Variants in CNTNAP2 observed in about 807,000 individuals in gnomAD.
The protein encoded by CNTNAP2 is contactin-associated protein-like 2.
In CNTNAP2, 98 loss-of-function variants were observed where a neutral mutation model predicts 155.2. The ratio of observed to expected loss-of-function variants is 0.63; its 90% confidence interval spans 0.54 to 0.75. The LOEUF is 0.75. Ranked by LOEUF, CNTNAP2 falls within the 30% of genes least tolerant of loss-of-function variation. The pLI, the probability that CNTNAP2 is intolerant of heterozygous loss-of-function variation, is 0.00. For synonymous variants in CNTNAP2, 651 were observed against 631.2 expected (o/e 1.03, Z -0.47); for missense variants, 1,727 against 1,688.1 (o/e 1.02, Z -0.40).
intron 12 of CNTNAP2, among the ~76,000 whole-genome samples, chr7:147,630,316 T>TAAA (rs71183024): frequency 7.5e-4 from 55 of 72,974 alleles, no homozygotes; most frequent in East Asian, 3.3e-3. Flanking sequence ...GAAACAGTAG[T>TAAA]AAAAAAAAAA....
At position 148,019,164 on chromosome 7, in the gene CNTNAP2, T is replaced by C. The variant is rs144502789; in HGVS notation, c.2383+41175T>C. Among the ~76,000 whole-genome samples, 1,095 of 152,308 alleles carry C rather than the reference T, an allele frequency of 7.2e-3. 8 individuals are homozygous for C. The highest frequency in any genetic ancestry group is 0.025 in the African/African-American group (1,043 of 41,562). On this transcript the variant is annotated intron_variant, in intron 15 of 23. Transcript: ENST00000361727. ...GATGTGAAAATCATTTTACAAAGAA[T>C]TCCCACTGCATTTTCTTTAGCATGG...
At chr7:148,004,778 G>C (rs940058381) in intron 15 of CNTNAP2, among the ~76,000 whole-genome samples, 1 of 152,146 alleles carries the variant, frequency 6.6e-6, no homozygotes, top group African/African-American at 2.4e-5. Context: ...AGTTTGGTTA[G>C]ATTTTTAAAT....
At chr7:147,113,630 C>G (rs1020228047) in intron 5 of CNTNAP2, among the ~76,000 whole-genome samples, 1 of 152,228 alleles carries the variant, frequency 6.6e-6, no homozygotes, top group African/African-American at 2.4e-5. Context: ...AACTCAATCA[C>G]TATGATGAGA....
intron 7 of CNTNAP2, among the ~76,000 whole-genome samples, chr7:147,131,643 A>G (rs1044288826): frequency 2.0e-5 from 3 of 152,104 alleles, no homozygotes; most frequent in African/African-American, 7.2e-5. Flanking sequence ...TGAGTTGGAT[A>G]CTAAAATAAT....
intron 1 of CNTNAP2, among the ~76,000 whole-genome samples, chr7:146,746,186 T>C (rs1235110131): frequency 6.6e-6 from 1 of 152,236 alleles, no homozygotes; most frequent in African/African-American, 2.4e-5. Context: ...TAATCCTTTA[T>C]CCACTTAGGC....
rs547368070 is a variant in CNTNAP2 at position 148,066,622 on chromosome 7, C to T, written c.2384-51496C>T. Among the ~76,000 whole-genome samples the T allele has an allele frequency of 2.3e-3, 357 of 152,012 alleles. 1 individual carries two copies. Among genetic ancestry groups the T allele is most frequent in the African/African-American group, 8.3e-3 (344 of 41,492 alleles). On this transcript the variant is annotated intron_variant, in intron 15 of 23. Transcript: ENST00000361727. ...ACGCCATTCTCCTGCCTCAGCCTCC[C>T]GAGTAGCTGGGACTACAGGCGCCCA... is the stretch of plus-strand genomic sequence containing the variant.
chr7:146,535,979 GA>G (rs376613842), intron 1 of CNTNAP2, among the ~76,000 whole-genome samples: 1 of 152,008 alleles, frequency 6.6e-6, no homozygotes, highest in African/African-American at 2.4e-5. Flanking sequence ...TATATGAAAG[GA>G]ATTTTCTTCA....
intron 1 of CNTNAP2, among the ~76,000 whole-genome samples, chr7:146,548,366 G>A (rs183742179): frequency 8.6e-4 from 130 of 151,944 alleles, no homozygotes; most frequent in Middle Eastern, 6.8e-3. Context: ...CTGGTCTATC[G>A]CAGATGGGCA....
intron 1 of CNTNAP2, among the ~76,000 whole-genome samples, chr7:146,607,291 A>G (rs1799064212): frequency 6.6e-6 from 1 of 151,972 alleles, no homozygotes; most frequent in Non-Finnish European, 1.5e-5. Context: ...TATCTTCATC[A>G]GATGTTGGAT....
intron 20 of CNTNAP2, among the ~76,000 whole-genome samples, chr7:148,261,591 C>A (rs945409369): frequency 2.0e-5 from 3 of 152,198 alleles, no homozygotes; most frequent in African/African-American, 7.2e-5. Context: ...AGAGCAGAGA[C>A]CCCTGCTTAG....
At chr7:147,984,669 G>T (rs1228621990) in intron 15 of CNTNAP2, among the ~76,000 whole-genome samples, 1 of 151,996 alleles carries the variant, frequency 6.6e-6, no homozygotes, top group Non-Finnish European at 1.5e-5. Flanking sequence ...CACAAGGCAG[G>T]TTAATAGAAG....
chr7:146,893,060 A>T (rs1189486627), intron 3 of CNTNAP2, among the ~76,000 whole-genome samples: 5 of 152,180 alleles, frequency 3.3e-5, no homozygotes, highest in African/African-American at 1.2e-4. Context: ...TTTTATACAT[A>T]TGGACTTTTG....
intron 15 of CNTNAP2, among the ~76,000 whole-genome samples, chr7:148,041,785 G>A (rs774232170): frequency 5.4e-4 from 82 of 152,050 alleles, no homozygotes; most frequent in Non-Finnish European, 1.0e-3. Flanking sequence ...AGCATCTATT[G>A]AGCAACCCAC....
chr7:147,364,397 C>A (rs890210073), intron 9 of CNTNAP2, among the ~76,000 whole-genome samples: 5 of 152,128 alleles, frequency 3.3e-5, no homozygotes, highest in Non-Finnish European at 5.9e-5. Flanking sequence ...CAGCTGTCAA[C>A]CTGCTATGAT....
intron 2 of CNTNAP2, among the ~76,000 whole-genome samples, chr7:146,795,936 C>A (rs1802760840): frequency 6.6e-6 from 1 of 152,070 alleles, no homozygotes. Context: ...AAAGCATATG[C>A]TACATTTTAT....
At chr7:148,338,420 C>G (rs1177930) in intron 21 of CNTNAP2, among the ~76,000 whole-genome samples, 3 of 152,236 alleles carry the variant, frequency 2.0e-5, no homozygotes, top group East Asian at 1.9e-4. Context: ...GAGCGCTTTA[C>G]GAAAGTCAAG....
chr7:148,391,708 T>C (rs1002573565), intron 22 of CNTNAP2, among the ~76,000 whole-genome samples: 6 of 152,214 alleles, frequency 3.9e-5, no homozygotes, highest in Admixed American at 1.3e-4. Context: ...TTTTGTCTAA[T>C]TTAGGGAATC....
intron 15 of CNTNAP2, among the ~76,000 whole-genome samples, chr7:148,004,100 A>G (rs1431338687): frequency 1.3e-5 from 2 of 152,234 alleles, no homozygotes; most frequent in Non-Finnish European, 2.9e-5. Context: ...ATGAAGTTAT[A>G]TAGCTAATAA....
At chr7:147,668,216 T>G (rs1410367745) in intron 13 of CNTNAP2, among the ~76,000 whole-genome samples, 1 of 152,038 alleles carries the variant, frequency 6.6e-6, no homozygotes, top group Non-Finnish European at 1.5e-5. Context: ...GGTTTAGAAG[T>G]TTTTACAGAC....
Sources: allele counts gnomAD v4.1 joint callset (sites outside exome capture counted in the v4.1 genomes callset), GRCh38; gene constraint gnomAD v4.1.1; transcripts MANE v1.5; gene names NCBI Gene and HGNC (gene_info 2026-07-23, HGNC 2026-07-21).